Variants in CRCP observed in about 807,000 individuals in gnomAD.
CRCP encodes the protein CGRP receptor component, also known as DNA-directed RNA polymerase III subunit RPC9.
In CRCP, 18 loss-of-function variants were observed where a neutral mutation model predicts 18.5. The observed-to-expected ratio is 0.97, with a 90% CI of 0.67 to 1.44. The LOEUF (loss-of-function observed/expected upper bound fraction) is 1.44, where lower values mean the gene tolerates loss of function less well. Among genes scored for constraint, CRCP ranks in the 40% most tolerant of loss-of-function variants. CRCP has a pLI of 0.00. For synonymous variants in CRCP, 53 were observed against 62.9 expected (o/e 0.84, Z 0.75); for missense variants, 130 against 176.4 (o/e 0.74, Z 1.49).
At chr7:66,144,590 TC>T (rs1461963834) in intron 4 of CRCP, among the ~76,000 whole-genome samples, 1 of 152,112 alleles carries the variant, frequency 6.6e-6, no homozygotes, top group Non-Finnish European at 1.5e-5. Flanking sequence ...TCCTCTGCCT[TC>T]CGTAGCTGGG....
chr7:66,116,952 C>T (rs1428400965), intron 1 of CRCP, among the ~76,000 whole-genome samples: 1 of 152,062 alleles, frequency 6.6e-6, no homozygotes, highest in Admixed American at 6.6e-5. Context: ...ATAACCTCCT[C>T]TCTACTAAAA....
chr7:66,123,222 G>A (rs565802030), intron 1 of CRCP, among the ~76,000 whole-genome samples: 2 of 152,224 alleles, frequency 1.3e-5, no homozygotes, highest in South Asian at 2.1e-4. Context: ...CCAAAGTGCC[G>A]GGATTACAGG....
At chr7:66,140,261 A>G (rs969715725) in intron 4 of CRCP, among the ~76,000 whole-genome samples, 18 of 152,244 alleles carry the variant, frequency 1.2e-4, no homozygotes, top group African/African-American at 3.9e-4. Flanking sequence ...AAAAAGCCCC[A>G]AGAAACTCAC....
chr7:66,142,366 T>C (rs1458835387), intron 4 of CRCP, among the ~76,000 whole-genome samples: 1 of 152,222 alleles, frequency 6.6e-6, no homozygotes, highest in Non-Finnish European at 1.5e-5. Flanking sequence ...TTTTTACTTC[T>C]GTGTTATCAA....
At chr7:66,124,468 CTCT>C (rs1221946082) in intron 1 of CRCP, among the ~76,000 whole-genome samples, 1 of 152,054 alleles carries the variant, frequency 6.6e-6, no homozygotes, top group East Asian at 1.9e-4. Flanking sequence ...TTTCCTTTTT[CTCT>C]TTTCTTTTTT....
Position 66,140,864 on chromosome 7 carries a change from T to TA in CRCP, c.240-4578dup, listed in dbSNP as rs1346338814. 2.0e-5 allele frequency among the ~76,000 whole-genome samples: 3 copies of TA among 152,270 alleles called. 1 individual carries two copies. Among genetic ancestry groups the TA allele is most frequent in the Middle Eastern group, 6.8e-3 (2 of 294 alleles). On this transcript the variant is annotated intron_variant, in intron 4 of 5. Transcript: ENST00000395326. ...CTTTTCTACTGTAAGTATGGACAAA[T>TA]ACTGTTCAAAAAACCTACAAATACA...
rs969084118 is a variant in CRCP at position 66,134,562 on chromosome 7, T to C, written c.239+188T>C. 4.1e-5 allele frequency: 17 copies of C among 411,924 alleles called. No homozygotes were observed. The East Asian group carries it at 7.2e-4, about 17-fold the overall frequency. 25.5% of individuals were successfully genotyped at this position (411,924 alleles called of 1,614,324 possible). ...GAACAAATCTTTTTTTTTTTTTTTT[T>C]ATAAATGAAGAAAGTTCATTTATCC... On this transcript the variant is annotated intron_variant, in intron 4 of 5. Transcript: ENST00000395326.
intron 4 of CRCP, among the ~76,000 whole-genome samples, chr7:66,139,189 G>T (rs1019200772): frequency 2.0e-5 from 3 of 152,074 alleles, no homozygotes; most frequent in Non-Finnish European, 4.4e-5. Context: ...GCACCCTCAG[G>T]CTCACTGCAG....
At chr7:66,130,123 T>TTTTTC in intron 2 of CRCP, 11 of 318,554 alleles carry the variant, frequency 3.5e-5, no homozygotes, top group South Asian at 2.2e-4. Context: ...TTTTTTTTTT[T>TTTTTC]CAGATGGAGT....
intron 5 of CRCP, among the ~76,000 whole-genome samples, chr7:66,148,448 C>T (rs947177867): frequency 1.3e-5 from 2 of 152,210 alleles, no homozygotes; most frequent in African/African-American, 2.4e-5. Flanking sequence ...TATATTAACA[C>T]TAGAGCCATT....
Position 66,126,939 on chromosome 7 carries a change from G to A in CRCP, c.9-765G>A, listed in dbSNP as rs1421055282. Among the ~76,000 whole-genome samples the A allele has an allele frequency of 2.0e-5, 3 of 151,848 alleles. No individual in the cohort carries two copies. The South Asian group carries it at 6.2e-4, about 32-fold the overall frequency. On this transcript the variant is annotated intron_variant, in intron 1 of 5. Coordinates refer to ENST00000395326, the MANE Select transcript of CRCP (RefSeq NM_014478.5). ...ATTCACATGGCCAAAGAATTCAGGA[G>A]CTGGATTTAGAATCCAGGCCATACT...
At chr7:66,118,638 G>A (rs1037349393) in intron 1 of CRCP, among the ~76,000 whole-genome samples, 21 of 152,100 alleles carry the variant, frequency 1.4e-4, no homozygotes, top group Non-Finnish European at 2.5e-4. Flanking sequence ...GATATAAAAC[G>A]GTGTAGTATT....
chr7:66,123,286 A>G (rs1464438711), intron 1 of CRCP, among the ~76,000 whole-genome samples: 3 of 152,078 alleles, frequency 2.0e-5, no homozygotes, highest in Admixed American at 6.5e-5. Context: ...CCTACAGGAG[A>G]ATATGAAGTT....
intron 1 of CRCP, among the ~76,000 whole-genome samples, chr7:66,116,761 C>A (rs1787276587): frequency 6.6e-6 from 1 of 152,146 alleles, no homozygotes; most frequent in South Asian, 2.1e-4. Context: ...TGCTGATTAG[C>A]CCCTCATTCT....
chr7:66,133,212 T>C (rs1787861186), intron 3 of CRCP, among the ~76,000 whole-genome samples: 1 of 152,052 alleles, frequency 6.6e-6, no homozygotes, highest in Non-Finnish European at 1.5e-5. Context: ...TTTAAAAATT[T>C]TTCTCATTCT....
intron 1 of CRCP, among the ~76,000 whole-genome samples, chr7:66,121,273 A>T (rs1787432666): frequency 1.3e-5 from 2 of 151,026 alleles, no homozygotes; most frequent in Admixed American, 6.6e-5. Context: ...CTGGTCTTGA[A>T]CTCCTGAGCT....
intron 1 of CRCP, among the ~76,000 whole-genome samples, chr7:66,124,321 T>C (rs866828381): frequency 4.6e-4 from 66 of 144,480 alleles, no homozygotes; most frequent in Middle Eastern, 8.2e-3. Flanking sequence ...GATCGCACCA[T>C]TGCACTCCAG....
intron 1 of CRCP, 150 bp downstream of exon 1, chr7:66,115,120 T>G (rs1787215693): frequency 1.8e-6 from 2 of 1,140,090 alleles, no homozygotes; most frequent in East Asian, 5.1e-5. Flanking sequence ...CGCGGGGTGG[T>G]GACGGGGACG....
In CRCP at chr7:66,152,602, C is replaced by T. The variant is rs1487498027; in HGVS notation, c.*245C>T. On this transcript the variant is annotated 3_prime_UTR_variant, in exon 6 of 6. Transcript: ENST00000395326. The stretch of plus-strand genomic sequence containing the variant: ...AAGGTGGGGACAGTGACCGCGGACC[C>T]CTCTGTGCTTGAAAGATTTCCTCCA... 2.1e-6 allele frequency: 1 copy of T among 485,328 alleles called. No homozygotes were observed. The highest frequency in any genetic ancestry group is 3.7e-6 in the Non-Finnish European group (1 of 268,086). The allele number at this position is 485,328 out of a possible 1,614,324, so 30.1% of individuals were successfully genotyped here.
Sources: gnomAD v4.1 joint callset for allele counts (sites outside exome capture counted in the v4.1 genomes callset) on GRCh38, gnomAD v4.1.1 for gene constraint, MANE v1.5 for transcripts, NCBI Gene and HGNC (gene_info 2026-07-23, HGNC 2026-07-21) for gene names.